Variants in IGF2R observed in about 807,000 individuals in gnomAD.
The protein encoded by IGF2R is cation-independent mannose-6-phosphate receptor.
Under a neutral mutation model 270.6 loss-of-function variants are expected in IGF2R, and 91 were observed. The ratio of observed to expected loss-of-function variants is 0.34; its 90% CI spans 0.28 to 0.40. The LOEUF is 0.40. Among genes scored for constraint, IGF2R ranks in the 10% least tolerant of loss-of-function variants. IGF2R has a pLI of 1.00. For synonymous variants in IGF2R, 1,316 were observed against 1,258.9 expected, an observed-to-expected ratio of 1.05 and a Z score of -0.96; for missense variants, 2,805 against 3,188.3, an observed-to-expected ratio of 0.88 and a Z score of 2.90.
chr6:160,038,872 T>G lies in IGF2R; in HGVS notation c.1316-1688T>G, dbSNP rs138525879. Among the ~76,000 whole-genome samples, 41 of 151,830 alleles carry G rather than the reference T, an allele frequency of 2.7e-4. 1 individual carries two copies. Among genetic ancestry groups the G allele is most frequent in the Middle Eastern group, 6.8e-3 (2 of 292 alleles). On this transcript the variant is annotated intron_variant, in intron 10 of 47. Transcript: ENST00000356956. ...AAGAAAAATAGAAAAAACCCCACAG[T>G]AGAGTGGGGCAATCTTGCCTTGTGG...
At chr6:160,038,775 T>C (rs192122933) in intron 10 of IGF2R, among the ~76,000 whole-genome samples, 21 of 152,146 alleles carry the variant, frequency 1.4e-4, no homozygotes, top group African/African-American at 4.8e-4. Context: ...TGGCTTAGTG[T>C]ACTTATTAAA....
intron 1 of IGF2R, among the ~76,000 whole-genome samples, chr6:159,983,208 TGGTTTC>T (rs1783832317): frequency 6.6e-6 from 1 of 152,196 alleles, no homozygotes; most frequent in South Asian, 2.1e-4. Context: ...GCCCCTCGAT[TGGTTTC>T]GTCTGGACCA....
At position 160,084,193 on chromosome 6, in the gene IGF2R, C is replaced by T; in HGVS notation, c.6068+9C>T. 1 of 1,541,296 alleles carries T rather than the reference C, an allele frequency of 6.5e-7. No homozygotes were observed. Among genetic ancestry groups the T allele is most frequent in the Non-Finnish European group, 9.0e-7 (1 of 1,113,762 alleles). Reference sequence around the variant, plus strand: ...GTCCACAACGGAGTCTCGTGAGTGCCTTCCCAGTCCACCCGCGGCGCCACA... The same window carrying T: ...GTCCACAACGGAGTCTCGTGAGTGCTTTCCCAGTCCACCCGCGGCGCCACA... On this transcript the variant is annotated intron_variant, in intron 40 of 47. Transcript: ENST00000356956. The surrounding 1 kb of genome is among the most constrained non-coding windows in gnomAD (Gnocchi z 4.6).
chr6:160,096,961 C>G (rs909544648), intron 45 of IGF2R, among the ~76,000 whole-genome samples: 6 of 152,224 alleles, frequency 3.9e-5, no homozygotes, highest in Non-Finnish European at 5.9e-5. Context: ...CCTCCCTCTC[C>G]TTAGCTCCTG....
At chr6:159,980,200 A>AAAGGAAGAAAGGAAGAAAGGAAGAAAGG (rs1562330468) in intron 1 of IGF2R, among the ~76,000 whole-genome samples, 18 of 80,760 alleles carry the variant, frequency 2.2e-4, no homozygotes, top group African/African-American at 1.2e-3. Flanking sequence ...AGAAAGAAAG[A>AAAGGAAGAAAGGAAGAAAGGAAGAAAGG]AAGAAAGAAA....
chr6:160,000,223 G>A (rs1191481758), intron 2 of IGF2R, among the ~76,000 whole-genome samples: 1 of 152,228 alleles, frequency 6.6e-6, no homozygotes, highest in Non-Finnish European at 1.5e-5. Context: ...AAGGAGAGAG[G>A]TTGGATTCAC....
rs767147349 is a variant in IGF2R, at chr6:160,084,152, C to T, written c.6036C>T (p.Thr2012=). The change falls in exon 40 of 48, where the codon ACC becomes ACT. Residue 2012 remains threonine, a synonymous_variant. Coordinates refer to ENST00000356956, the MANE Select transcript of IGF2R (RefSeq NM_000876.4). This position sits in a 1 kb window ranked among gnomAD's most constrained non-coding sequence, Gnocchi z 4.6. ...TYDLRLLSSL[T]GSWSLVHNGV... ...ACCTGCGGCTGCTCTCCTCTCTCAC[C>T]GGGTCCTGGTCCCTCGTCCACAACG... The T allele has an allele frequency of 2.1e-5, 34 of 1,613,756 alleles. No homozygotes were observed. The Middle Eastern group carries it at 6.6e-4, about 31-fold the overall frequency.
chr6:160,016,602 A>G (rs938233742), intron 4 of IGF2R, among the ~76,000 whole-genome samples: 3 of 152,164 alleles, frequency 2.0e-5, no homozygotes, highest in Admixed American at 2.0e-4. Flanking sequence ...ACAAGTGCAC[A>G]ATTGCACAGT....
chr6:160,051,413 C>T (rs1052604382), intron 19 of IGF2R, among the ~76,000 whole-genome samples: 1 of 152,096 alleles, frequency 6.6e-6, no homozygotes, highest in Non-Finnish European at 1.5e-5. Flanking sequence ...CCTTCTTGGT[C>T]AGGTAAGGAA....
At position 160,063,498 on chromosome 6, in the gene IGF2R, G is replaced by A. The variant is rs368189343; in HGVS notation, c.3754G>A (p.Ala1252Thr). The A allele has an allele frequency of 4.8e-5, 77 of 1,613,842 alleles. No homozygotes were observed. The African/African-American group carries it at 5.3e-4, about 11-fold the overall frequency. ...PLGLNDTIVS[A>T]GEYTYYFRVC... ...GGGCCTCAACGACACCATCGTGAGCGCTGGCGAATACACTTATTACTTCCG... is the reference window on the plus strand; with the variant it reads ...GGGCCTCAACGACACCATCGTGAGCACTGGCGAATACACTTATTACTTCCG... The change falls in exon 27 of 48, where the codon GCT becomes ACT. Residue 1252 changes from alanine to threonine, a missense_variant. Coordinates refer to ENST00000356956, the MANE Select transcript of IGF2R (RefSeq NM_000876.4).
In IGF2R at chr6:160,105,035, AGC is replaced by A; in HGVS notation, c.7428_7429del (p.Lys2476AsnfsTer6). The A allele has an allele frequency of 6.2e-7, 1 of 1,611,728 alleles. No homozygotes were observed. The highest frequency in any genetic ancestry group is 8.5e-7 in the Non-Finnish European group (1 of 1,178,774). On this transcript the variant is annotated frameshift_variant, in exon 48 of 48. Transcript: ENST00000356956. LOFTEE classifies it high-confidence loss of function. ...CAGCAGAAGACAGTGAGCTCCACCA[AGC>A]TGGTGTCCTTCCATGACGACAGCGA...
In IGF2R at chr6:160,079,602, A is replaced by G. The variant is rs1778933439; in HGVS notation, c.5501A>G (p.Tyr1834Cys). 2 of 1,466,290 alleles carry G rather than the reference A, an allele frequency of 1.4e-6. No individual in the cohort carries two copies. Among genetic ancestry groups the G allele is most frequent in the African/African-American group, 1.4e-5 (1 of 69,332 alleles). 90.8% of individuals were successfully genotyped at this position (1,466,290 alleles called of 1,614,324 possible). ...CAGGTGACTCGCGACTCGCGCACCT[A>G]CAGCGTTGGGGTGTGCACCTTTGCA... ...TFKVTRDSRTYSVGVCTFAVG... is the reference protein window; with the variant it reads ...TFKVTRDSRTCSVGVCTFAVG... Residue 1834 changes from tyrosine (Y) to cysteine (C), a missense_variant, in exon 38 of 48, where the codon TAC (tyrosine) becomes TGC (cysteine). Tyr to Cys is a radical substitution (Grantham distance 194, BLOSUM62 -2). Transcript: ENST00000356956.
At chr6:160,053,198 C>A (rs1010900451) in intron 19 of IGF2R, among the ~76,000 whole-genome samples, 3 of 151,970 alleles carry the variant, frequency 2.0e-5, no homozygotes, top group African/African-American at 7.3e-5. Flanking sequence ...CATGTTCTCA[C>A]TTATAGGTGG....
At chr6:160,073,538 G>C in intron 34 of IGF2R, 69 bp downstream of exon 34, 2 of 1,560,200 alleles carry the variant, frequency 1.3e-6, no homozygotes, top group Non-Finnish European at 1.7e-6. Context: ...CCCTTCGTCA[G>C]GTTCACTTGC....
Position 160,102,618 on chromosome 6 carries a change from G to A in IGF2R, c.6942G>A (p.Leu2314=), listed in dbSNP as rs779494869. The A allele has an allele frequency of 1.8e-5, 29 of 1,613,292 alleles. No individual in the cohort carries two copies. The highest frequency in any genetic ancestry group is 1.3e-4 in the Admixed American group (8 of 59,946). ...QAVGAVLSLL[L]VALTCCLLAL... ...TCGGCGCGGTGCTCAGCCTGCTGCT[G>A]GTGGCGCTCACCTGCTGCCTGCTGG... is the stretch of plus-strand genomic sequence containing the variant. The change falls in exon 46 of 48, where the codon CTG becomes CTA. Residue 2314 remains leucine, a synonymous_variant. Transcript: ENST00000356956. The surrounding 1 kb of genome is among the most constrained non-coding windows in gnomAD (Gnocchi z 4.5).
intron 1 of IGF2R, among the ~76,000 whole-genome samples, chr6:159,971,224 T>G (rs1295967501): frequency 6.6e-6 from 1 of 152,262 alleles, no homozygotes; most frequent in Non-Finnish European, 1.5e-5. Context: ...TTTGGCTGAT[T>G]GATGGGACCC....
chr6:160,023,312 C>T (rs1374574489), intron 4 of IGF2R, among the ~76,000 whole-genome samples: 2 of 151,832 alleles, frequency 1.3e-5, no homozygotes, highest in Admixed American at 1.3e-4. Context: ...GCAGGGGGAC[C>T]TTAAGGTTTT....
chr6:160,003,255 C>T (rs1784158172), intron 2 of IGF2R: 1 of 152,146 alleles, frequency 6.6e-6, no homozygotes, highest in African/African-American at 2.4e-5. Context: ...GTGAAAATGC[C>T]TTTTCCTCTT....
chr6:160,079,656 A>G lies in IGF2R; in HGVS notation c.5555A>G (p.Asp1852Gly), dbSNP rs1376367964. ...GGGCCAGAACAAGGAGGCTGTAAGG[A>G]CGGAGGAGTCTGTCTGCTCTCAGGC... Reference protein sequence around the residue: ...AVGPEQGGCKDGGVCLLSGTK... With the variant: ...AVGPEQGGCKGGGVCLLSGTK... The change falls in exon 38 of 48, where the codon GAC becomes GGC. Residue 1852 changes from aspartate (D) to glycine (G), a missense_variant. By Grantham distance (94) the Asp-to-Gly change is moderately conservative (BLOSUM62 -1). Coordinates refer to ENST00000356956, the MANE Select transcript of IGF2R (RefSeq NM_000876.4). The G allele has an allele frequency of 6.4e-7, 1 of 1,570,324 alleles. No individual in the cohort carries two copies. The highest frequency in any genetic ancestry group is 8.6e-7 in the Non-Finnish European group (1 of 1,158,928).
Sources: allele counts gnomAD v4.1 joint callset (sites outside exome capture counted in the v4.1 genomes callset), GRCh38; gene constraint gnomAD v4.1.1; non-coding constraint Gnocchi (gnomAD v3.1); transcripts MANE v1.5; gene names NCBI Gene and HGNC (gene_info 2026-07-23, HGNC 2026-07-21).